Variants in CTSB observed in about 807,000 individuals in gnomAD.
CTSB encodes the protein cathepsin B.
In CTSB, 57 loss-of-function variants were observed where a neutral mutation model predicts 44.3. The observed-to-expected ratio is 1.29, with a 90% CI of 1.04 to 1.60. The LOEUF is 1.60. CTSB is among the 40% of genes most tolerant of loss of function. The pLI, the probability that CTSB is intolerant of heterozygous loss-of-function variation, is 0.00. For missense variants in CTSB, 768 were observed against 443.0 expected (o/e 1.73, Z -6.59); for synonymous variants, 320 against 168.0 (o/e 1.91, Z -7.00).
In CTSB at chr8:11,852,655, T is replaced by C. The variant is rs1489341718; in HGVS notation, c.167A>G (p.Lys56Arg). The part of the protein sequence containing the change: ...NFYNVDMSYL[K>R]RLCGTFLGGP... ...ACCCAGGAAGGTACCACATAGCCTC[T>C]TCAAGTAGCTCATGTCCACGTTGTA... Residue 56 changes from lysine to arginine, a missense_variant, in exon 3 of 10, where the codon AAG becomes AGG. By Grantham distance (26) the Lys-to-Arg change is conservative. Transcript: ENST00000353047. The C allele has an allele frequency of 1.9e-6, 3 of 1,614,062 alleles. No individual in the cohort carries two copies. Among genetic ancestry groups the C allele is most frequent in the Non-Finnish European group, 2.5e-6 (3 of 1,180,022 alleles).
At chr8:11,865,479 G>A (rs1340680304) in intron 1 of CTSB, 1 of 149,644 alleles carries the variant, frequency 6.7e-6, no homozygotes, top group Non-Finnish European at 1.5e-5. Flanking sequence ...ATCGCAGCTA[G>A]TTGAGAGACT....
In CTSB at chr8:11,850,898, T is replaced by C; in HGVS notation, c.295A>G (p.Ile99Val). The C allele has an allele frequency of 6.2e-7, 1 of 1,613,498 alleles. No individual in the cohort carries two copies. Among genetic ancestry groups the C allele is most frequent in the Non-Finnish European group, 8.5e-7 (1 of 1,179,638 alleles). ...GAGCCACAGGAGCCCTGGTCTCTGA[T>C]CTCTTTGATGGTGGGACACTGTGGC... ...QWPQCPTIKE[I>V]RDQGSCGSCW... Residue 99 changes from isoleucine to valine, a missense_variant, in exon 4 of 10, where the codon ATC becomes GTC. Ile to Val is a conservative substitution (Grantham distance 29). Coordinates refer to ENST00000353047, the MANE Select transcript of CTSB (RefSeq NM_001908.5).
At chr8:11,867,712 G>C (rs1817369424) in intron 1 of CTSB, 2 of 152,380 alleles carry the variant, frequency 1.3e-5, no homozygotes, top group South Asian at 4.1e-4. Context: ...CCCGCTCCGA[G>C]GGCCGGGGTC....
In CTSB at chr8:11,853,433, G is replaced by C. The variant is rs776968986; in HGVS notation, c.22C>G (p.Leu8Val). 2 of 1,612,286 alleles carry C rather than the reference G, an allele frequency of 1.2e-6. No homozygotes were observed. The highest frequency in any genetic ancestry group is 2.2e-5 in the East Asian group (1 of 44,806). MWQLWAS[L>V]CCLLVLANAR... is the part of the protein sequence containing the mutation. Reference sequence around the variant, plus strand: ...TTGGCCAACACCAGCAGGCAGCAGAGGGAGGCCCAGAGCTGCCACATGTTG... The same window carrying C: ...TTGGCCAACACCAGCAGGCAGCAGACGGAGGCCCAGAGCTGCCACATGTTG... The change falls in exon 2 of 10, where the codon CTC becomes GTC. Residue 8 changes from leucine (L) to valine (V), a missense_variant. Leu to Val is a conservative substitution (Grantham distance 32). Coordinates refer to ENST00000353047, the MANE Select transcript of CTSB (RefSeq NM_001908.5).
chr8:11,860,466 A>G (rs1816247707), intron 1 of CTSB, among the ~76,000 whole-genome samples: 2 of 152,146 alleles, frequency 1.3e-5, no homozygotes, highest in Non-Finnish European at 2.9e-5. Context: ...TACTAAAAAT[A>G]CAAAAAATTA....
intron 1 of CTSB, among the ~76,000 whole-genome samples, chr8:11,863,220 G>A (rs948902988): frequency 1.3e-5 from 2 of 152,100 alleles, no homozygotes; most frequent in Non-Finnish European, 2.9e-5. Context: ...CAGCACTTAG[G>A]GAAGCCAAGA....
In CTSB at chr8:11,850,865, C is replaced by G; in HGVS notation, c.327+1G>C. On this transcript the variant is annotated splice_donor_variant, in intron 4 of 9. Transcript: ENST00000353047. LOFTEE classifies it high-confidence loss of function. ...TTCCCCGCCAGCCAGCAGGGCCTTA[C>G]CCAGCAGGAGCCACAGGAGCCCTGG... is the stretch of plus-strand genomic sequence containing the variant. 6.2e-7 allele frequency: 1 copy of G among 1,609,854 alleles called. No individual in the cohort carries two copies. Among genetic ancestry groups the G allele is most frequent in the Non-Finnish European group, 8.5e-7 (1 of 1,176,862 alleles).
chr8:11,845,348 C>T (rs1352382164), intron 9 of CTSB, 126 bp from the exon 10 acceptor site: 2 of 731,832 alleles, frequency 2.7e-6, no homozygotes, highest in African/African-American at 3.5e-5. Context: ...CTAGCACAGT[C>T]CTCAACACCA....
At chr8:11,851,029 C>G in intron 3 of CTSB, 49 bp from the exon 4 acceptor site, 4 of 1,414,988 alleles carry the variant, frequency 2.8e-6, no homozygotes, top group Non-Finnish European at 3.9e-6. Context: ...ACAACTCCCT[C>G]CCCAATCCCT....
At chr8:11,846,920 C>A in intron 8 of CTSB, 132 bp downstream of exon 8, 1 of 674,338 alleles carries the variant, frequency 1.5e-6, no homozygotes, top group Non-Finnish European at 2.7e-6. Context: ...TATGGAAGGC[C>A]CCACACAGCC....
At chr8:11,848,669 A>G (rs543169251) in intron 5 of CTSB, 7 of 305,664 alleles carry the variant, frequency 2.3e-5, no homozygotes, top group Non-Finnish European at 4.5e-5. Context: ...GTTCTGTGCC[A>G]CCACCTTGTT....
intron 9 of CTSB, 105 bp downstream of exon 9, chr8:11,845,556 T>G: frequency 7.2e-7 from 1 of 1,385,148 alleles, no homozygotes; most frequent in Admixed American, 2.2e-5. Context: ...TGGCCGTAGG[T>G]CCAGGGTTTA....
At chr8:11,855,520 A>G (rs1005077550) in intron 1 of CTSB, among the ~76,000 whole-genome samples, 5 of 152,170 alleles carry the variant, frequency 3.3e-5, no homozygotes, top group Admixed American at 3.3e-4. Context: ...TAAAAAGGTA[A>G]TGCTGGAGGA....
chr8:11,850,549 G>C (rs948484988), intron 4 of CTSB: 9 of 224,506 alleles, frequency 4.0e-5, no homozygotes, highest in Admixed American at 2.6e-4. Flanking sequence ...ACACTAAAGG[G>C]ATGCTTTCTT....
chr8:11,866,281 G>A (rs1344292862), intron 1 of CTSB, among the ~76,000 whole-genome samples: 1 of 152,190 alleles, frequency 6.6e-6, no homozygotes, highest in African/African-American at 2.4e-5. Flanking sequence ...GTTTCAACCT[G>A]GAACCAAAGG....
At chr8:11,852,410 T>G (rs1159270251) in intron 3 of CTSB, among the ~76,000 whole-genome samples, 200 bp downstream of exon 3, 2 of 151,842 alleles carry the variant, frequency 1.3e-5, no homozygotes, top group Non-Finnish European at 2.9e-5. Flanking sequence ...TACTAATAAC[T>G]TGAGAAGGAA....
intron 7 of CTSB, among the ~76,000 whole-genome samples, 155 bp downstream of exon 7, chr8:11,847,524 C>G (rs528129899): frequency 2.0e-5 from 3 of 152,270 alleles, no homozygotes; most frequent in Admixed American, 2.0e-4. Context: ...GAGTGTGCTG[C>G]TTCTCCTGGC....
intron 1 of CTSB, chr8:11,867,449 C>T (rs1817321895): frequency 6.6e-6 from 1 of 152,448 alleles, no homozygotes; most frequent in African/African-American, 2.4e-5. Flanking sequence ...TGCCAGATTC[C>T]TGTTCTTCAA....
chr8:11,848,210 C>T lies in CTSB; in HGVS notation c.447-58G>A, dbSNP rs777900829. 32 of 1,490,930 alleles carry T rather than the reference C, an allele frequency of 2.1e-5. 1 individual carries two copies. The highest frequency in any genetic ancestry group is 3.4e-4 in the Middle Eastern group (2 of 5,858). The allele number at this position is 1,490,930 out of a possible 1,614,324, so 92.4% of individuals were successfully genotyped here. On this transcript the variant is annotated intron_variant, in intron 5 of 9. Transcript: ENST00000353047. ...GAGAAGCACCACCAGCTCTCCAGAC[C>T]ACTGTGTGCTACCCAAGTGCCCGAG...
Sources: gnomAD v4.1 joint callset for allele counts (sites outside exome capture counted in the v4.1 genomes callset) on GRCh38, gnomAD v4.1.1 for gene constraint, MANE v1.5 for transcripts, NCBI Gene and HGNC (gene_info 2026-07-23, HGNC 2026-07-21) for gene names.